The following SECISBP2 variants were observed in gnomAD, a reference collection of about 807,000 sequenced individuals.
SECISBP2 encodes SECIS binding protein 2, also known as selenocysteine insertion sequence-binding protein 2.
SECISBP2 carries 96 observed loss-of-function variants against 98.2 expected under a neutral mutation model. That is an observed-to-expected ratio of 0.98 (90% CI 0.83 to 1.16). SECISBP2 has a LOEUF of 1.16. Ranked by LOEUF, SECISBP2 falls within the 50% of genes most tolerant of loss-of-function variation. SECISBP2 has a pLI of 0.00. For synonymous variants in SECISBP2, 407 were observed against 370.2 expected (o/e 1.10, Z -1.14); for missense variants, 1,046 against 1,022.9 (o/e 1.02, Z -0.31).
At chr9:89,362,105 C>T (rs45559838), downstream of SECISBP2, 13 of 559,132 alleles carry the variant, frequency 2.3e-5, no homozygotes, top group Non-Finnish European at 4.2e-5. Flanking sequence ...TCACGAGCAG[C>T]TATCAAAGCC....
rs1564342969 is a variant in SECISBP2 at position 89,328,809 on chromosome 9, T to TGG, written c.727_728dup (p.Pro244AspfsTer13). The TGG allele has an allele frequency of 6.2e-7, 1 of 1,614,224 alleles. No individual in the cohort carries two copies. Among genetic ancestry groups the TGG allele is most frequent in the Admixed American group, 1.7e-5 (1 of 60,024 alleles). The stretch of plus-strand genomic sequence containing the variant: ...GTCAGAGATACAGAAGCAACCCAAG[T>TGG]GGGGACCTGTCCACTCTGTCTCTAC... On this transcript the variant is annotated frameshift_variant, in exon 5 of 17. Coordinates refer to ENST00000375807, the MANE Select transcript of SECISBP2 (RefSeq NM_024077.5). LOFTEE classifies it high-confidence loss of function.
chr9:89,334,978 GC>G (rs1403951592), intron 7 of SECISBP2, among the ~76,000 whole-genome samples: 3 of 152,166 alleles, frequency 2.0e-5, no homozygotes, highest in African/African-American at 7.2e-5. Context: ...ACTTTGGGAG[GC>G]CAAGGCGGGC....
intron 7 of SECISBP2, among the ~76,000 whole-genome samples, chr9:89,337,693 G>A (rs917747769): frequency 1.3e-5 from 2 of 152,238 alleles, no homozygotes; most frequent in Non-Finnish European, 2.9e-5. Context: ...TACTTCTGAA[G>A]TGTAAATTCG....
chr9:89,346,770 C>T, intron 10 of SECISBP2, 112 bp from the exon 11 acceptor site: 2 of 1,229,984 alleles, frequency 1.6e-6, no homozygotes, highest in Non-Finnish European at 1.2e-6. Flanking sequence ...CTGGGGGTGA[C>T]TTGGCAAACT....
chr9:89,338,870 G>A (rs1434509383), intron 8 of SECISBP2, among the ~76,000 whole-genome samples: 2 of 150,296 alleles, frequency 1.3e-5, no homozygotes, highest in Non-Finnish European at 3.0e-5. Context: ...TTTCCCCTCA[G>A]TTATCTTCTT....
At chr9:89,322,344 A>G (rs1825952373) in intron 2 of SECISBP2, 1 of 152,260 alleles carries the variant, frequency 6.6e-6, no homozygotes. Flanking sequence ...GTCCATTGTC[A>G]TGTTACATCC....
chr9:89,325,821 ACTT>A lies in SECISBP2; in HGVS notation c.433-75_433-73del, dbSNP rs1461345028. On this transcript the variant is annotated intron_variant, in intron 3 of 16. Coordinates refer to ENST00000375807, the MANE Select transcript of SECISBP2 (RefSeq NM_024077.5). ...TTTAAAAAATGATTGAATTGTGAATACTTAATATTTTGCTGCTTTAAACCTTTT... is the reference window on the plus strand; with the variant it reads ...TTTAAAAAATGATTGAATTGTGAATAAATATTTTGCTGCTTTAAACCTTTT... 14 of 1,598,282 alleles carry A rather than the reference ACTT, an allele frequency of 8.8e-6. No homozygotes were observed. The East Asian group carries it at 2.7e-4, about 31-fold the overall frequency.
At position 89,325,465 on chromosome 9, in the gene SECISBP2, C is replaced by T. The variant is rs1320948225; in HGVS notation, c.221C>T (p.Ser74Leu). The T allele has an allele frequency of 6.2e-7, 1 of 1,613,792 alleles. No individual in the cohort carries two copies. The highest frequency in any genetic ancestry group is 8.5e-7 in the Non-Finnish European group (1 of 1,179,884). ...IYTEDMAFGA[S>L]TFPPQYLSSE... The stretch of plus-strand genomic sequence containing the variant: ...ACTGAAGACATGGCCTTTGGAGCTT[C>T]AACTTTTCCACCTCAGTATTTATCT... Residue 74 changes from serine (S) to leucine (L), a missense_variant, in exon 3 of 17, where the codon TCA becomes TTA. Physicochemically the swap from Ser to Leu is moderately radical, Grantham distance 145 (BLOSUM62 -2). Transcript: ENST00000375807.
At position 89,350,078 on chromosome 9, in the gene SECISBP2, C is replaced by G. The variant is rs139806856; in HGVS notation, c.1892+149C>G. 11 of 910,930 alleles carry G rather than the reference C, an allele frequency of 1.2e-5. No homozygotes were observed. In the South Asian group the frequency reaches 1.6e-4, roughly 13 times the overall value. 56.4% of individuals were successfully genotyped at this position (910,930 alleles called of 1,614,324 possible). A position where few individuals can be genotyped will look rare whatever the true frequency, so the allele number is the denominator to read the frequency against. On this transcript the variant is annotated intron_variant, in intron 13 of 16. Transcript: ENST00000375807. The stretch of plus-strand genomic sequence containing the variant: ...GAAAGAAGCTGGGTACCTGGTTACA[C>G]GCATTCAGGGAGAGCCTAATCGTTG...
chr9:89,343,162 C>T (rs1042465679), intron 10 of SECISBP2, among the ~76,000 whole-genome samples: 2 of 152,282 alleles, frequency 1.3e-5, no homozygotes, highest in Admixed American at 1.3e-4. Flanking sequence ...TTGAGTAGTG[C>T]TGATGTGGCT....
chr9:89,352,721 C>T (rs940319695), intron 14 of SECISBP2, among the ~76,000 whole-genome samples: 17 of 152,052 alleles, frequency 1.1e-4, no homozygotes, highest in Admixed American at 9.8e-4. Flanking sequence ...TTATCTCTTT[C>T]TTTTGGTTTC....
chr9:89,355,597 A>C, intron 14 of SECISBP2: 9 of 982,062 alleles, frequency 9.2e-6, no homozygotes, highest in Non-Finnish European at 1.1e-5. Flanking sequence ...CACCAAAAAA[A>C]AAAATTGGCC....
downstream of SECISBP2, chr9:89,363,980 G>C (rs748721802): frequency 1.2e-6 from 2 of 1,613,804 alleles, no homozygotes; most frequent in South Asian, 2.2e-5. Context: ...CCACCTCTGA[G>C]TCCACATTTA....
chr9:89,360,775 C>T (rs750990623), downstream of SECISBP2: 1 of 152,088 alleles, frequency 6.6e-6, no homozygotes, highest in Non-Finnish European at 1.5e-5. Flanking sequence ...GCGCCAAGTA[C>T]AGTCATTTAA....
chr9:89,346,228 A>G (rs187124871), intron 10 of SECISBP2, among the ~76,000 whole-genome samples: 2 of 152,252 alleles, frequency 1.3e-5, no homozygotes, highest in Non-Finnish European at 2.9e-5. Context: ...ATTACTTGAA[A>G]TAACTATTGA....
At chr9:89,342,394 A>G (rs1341001258) in intron 10 of SECISBP2, among the ~76,000 whole-genome samples, 2 of 152,176 alleles carry the variant, frequency 1.3e-5, no homozygotes. Flanking sequence ...AACAATGCTC[A>G]ATGCAGTTAC....
chr9:89,338,293 T>C (rs755652800), intron 7 of SECISBP2, among the ~76,000 whole-genome samples, 165 bp from the exon 8 acceptor site: 13 of 151,998 alleles, frequency 8.6e-5, no homozygotes, highest in Non-Finnish European at 1.8e-4. Flanking sequence ...AGAACTATTC[T>C]AGTGAATGCT....
rs781638289 is a variant in SECISBP2 at position 89,350,712 on chromosome 9, G to A, written c.1973G>A (p.Arg658His). The A allele has an allele frequency of 1.9e-5, 30 of 1,614,050 alleles. No individual in the cohort carries two copies. The highest frequency in any genetic ancestry group is 2.4e-5 in the Non-Finnish European group (28 of 1,180,002). Residue 658 changes from arginine (R) to histidine (H), a missense_variant, in exon 14 of 17, where the codon CGT becomes CAT. Coordinates refer to ENST00000375807, the MANE Select transcript of SECISBP2 (RefSeq NM_024077.5). The stretch of plus-strand genomic sequence containing the variant: ...AAAGAACTGGTCCGTTTCCAAGACC[G>A]TATGTACCAGAAAGATCCAGTCAAG... ...LLKELVRFQDRMYQKDPVKAK... is the reference protein window; with the variant it reads ...LLKELVRFQDHMYQKDPVKAK...
intron 12 of SECISBP2, among the ~76,000 whole-genome samples, chr9:89,348,737 A>G (rs933250550): frequency 2.6e-5 from 4 of 152,242 alleles, no homozygotes; most frequent in Non-Finnish European, 5.9e-5. Context: ...GGCCTCCCCC[A>G]GGAGACCCTG....
Sources: allele counts gnomAD v4.1 joint callset (sites outside exome capture counted in the v4.1 genomes callset), GRCh38; gene constraint gnomAD v4.1.1; transcripts MANE v1.5; gene names NCBI Gene and HGNC (gene_info 2026-07-23, HGNC 2026-07-21).